POLN: variants seen among roughly 807,000 people sequenced by gnomAD.
The protein encoded by POLN is DNA polymerase N.
A neutral mutation model predicts 113.5 loss-of-function variants in POLN; 108 were observed. The ratio of observed to expected loss-of-function variants is 0.95; its 90% CI spans 0.81 to 1.12. The LOEUF (loss-of-function observed/expected upper bound fraction) is 1.12, where lower values mean the gene tolerates loss of function less well. Among genes scored for constraint, POLN ranks in the 50% most tolerant of loss-of-function variants. POLN has a pLI of 0.00. For synonymous variants in POLN, 386 were observed against 391.5 expected, an observed-to-expected ratio of 0.99 and a Z score of 0.17; for missense variants, 1,097 against 1,077.1, an observed-to-expected ratio of 1.02 and a Z score of -0.26.
chr4:2,156,971 T>C, intron 15 of POLN, 118 bp from the exon 16 acceptor site: 2 of 810,424 alleles, frequency 2.5e-6, no homozygotes, highest in South Asian at 3.1e-5. Context: ...GCCAACAAGC[T>C]GCTGGCCCTA....
rs773112353 is a variant in POLN at position 2,240,776 on chromosome 4, T to G, written c.-13+744A>C. ...TCTGAAGAATGCTAAAAGCTTCCAATTCTCTTTCAGACAACACGTTCTGTT... is the reference window on the plus strand; with the variant it reads ...TCTGAAGAATGCTAAAAGCTTCCAAGTCTCTTTCAGACAACACGTTCTGTT... On this transcript the variant is annotated intron_variant, in intron 2 of 25. Coordinates refer to ENST00000511885, the MANE Select transcript of POLN (RefSeq NM_181808.4). The G allele has an allele frequency of 3.1e-6, 5 of 1,613,966 alleles. No homozygotes were observed. The East Asian group carries it at 1.1e-4, about 36-fold the overall frequency.
intron 9 of POLN, 149 bp downstream of exon 9, chr4:2,176,116 AC>A (rs1419457263): frequency 1.5e-6 from 1 of 685,530 alleles, no homozygotes; most frequent in Non-Finnish European, 2.6e-6. Flanking sequence ...ATTCTAGACA[AC>A]CCTTTTCTGA....
chr4:2,217,975 T>TCTTCATTCTTAATG lies in POLN; in HGVS notation c.134-4863_134-4850dup, dbSNP rs1734151978. 6.6e-5 allele frequency among the ~76,000 whole-genome samples: 10 copies of TCTTCATTCTTAATG among 152,340 alleles called. No homozygotes were observed. The South Asian group carries it at 2.1e-3, about 32-fold the overall frequency. ...TGCAGGATGACTCGACCAGTTAACA[T>TCTTCATTCTTAATG]CTTCATTCTTAATGCTTCATTCTTA... On this transcript the variant is annotated intron_variant, in intron 3 of 25. Transcript: ENST00000511885.
intron 17 of POLN, among the ~76,000 whole-genome samples, chr4:2,130,048 G>GT (rs559682023): frequency 1.3e-5 from 2 of 151,960 alleles, no homozygotes; most frequent in South Asian, 4.2e-4. Context: ...GAGCCCAGGA[G>GT]TTTGAGACCA....
intron 16 of POLN, among the ~76,000 whole-genome samples, chr4:2,140,467 C>G (rs887884839): frequency 6.6e-6 from 1 of 152,144 alleles, no homozygotes; most frequent in Non-Finnish European, 1.5e-5. Context: ...GCCACTTGGG[C>G]TGGACGCAGT....
intron 4 of POLN, among the ~76,000 whole-genome samples, chr4:2,212,713 T>C (rs1050949880): frequency 6.6e-6 from 1 of 152,054 alleles, no homozygotes; most frequent in South Asian, 2.1e-4. Flanking sequence ...AATTATCCAA[T>C]AGATCTCAAC....
At chr4:2,210,390 G>A (rs767976419) in intron 4 of POLN, among the ~76,000 whole-genome samples, 39 of 150,650 alleles carry the variant, frequency 2.6e-4, no homozygotes, top group Non-Finnish European at 5.2e-4. Flanking sequence ...ACCAGCCTGG[G>A]CAAAATAGCA....
intron 9 of POLN, among the ~76,000 whole-genome samples, 195 bp from the exon 10 acceptor site, chr4:2,174,946 T>C (rs1160156488): frequency 6.6e-6 from 1 of 151,874 alleles, no homozygotes; most frequent in Non-Finnish European, 1.5e-5. Flanking sequence ...TCTCAGCCTC[T>C]TGAGTAGGTA....
chr4:2,189,783 C>A (rs1416270227), intron 7 of POLN, among the ~76,000 whole-genome samples: 2 of 151,820 alleles, frequency 1.3e-5, no homozygotes, highest in African/African-American at 2.4e-5. Context: ...GTAATCCCAG[C>A]ACTTTAGGAG....
At chr4:2,117,617 C>T (rs1317221862) in intron 19 of POLN, among the ~76,000 whole-genome samples, 1 of 152,204 alleles carries the variant, frequency 6.6e-6, no homozygotes. Context: ...ACAATAAACA[C>T]TCCATTTGGA....
intron 20 of POLN, among the ~76,000 whole-genome samples, chr4:2,085,964 G>A (rs1249468109): frequency 6.6e-6 from 1 of 152,196 alleles, no homozygotes; most frequent in East Asian, 1.9e-4. Flanking sequence ...GTGCCTGCCA[G>A]GTGTTTCAGG....
At chr4:2,214,788 T>A (rs750611595) in intron 3 of POLN, among the ~76,000 whole-genome samples, 2 of 152,212 alleles carry the variant, frequency 1.3e-5, no homozygotes, top group Non-Finnish European at 2.9e-5. Flanking sequence ...GGAATGCTAG[T>A]TATGTTTCCT....
At chr4:2,085,890 C>A in intron 20 of POLN, 146 bp from the exon 21 acceptor site, 1 of 1,043,258 alleles carries the variant, frequency 9.6e-7, no homozygotes, top group Non-Finnish European at 1.4e-6. Flanking sequence ...AAGCCAGGTG[C>A]TAGGTGCCAA....
At chr4:2,082,486 T>C (rs888932381) in intron 21 of POLN, among the ~76,000 whole-genome samples, 1 of 152,114 alleles carries the variant, frequency 6.6e-6, no homozygotes, top group Admixed American at 6.5e-5. Context: ...TGGCCTGAAG[T>C]GTATGCAATT....
At chr4:2,240,984 G>C (rs1380406684) in intron 2 of POLN, 2 of 1,431,748 alleles carry the variant, frequency 1.4e-6, no homozygotes, top group African/African-American at 2.9e-5. Context: ...TCTGATATGG[G>C]TTTACGGTGT....
chr4:2,222,707 T>A (rs1479440307), intron 3 of POLN, among the ~76,000 whole-genome samples: 2 of 148,374 alleles, frequency 1.3e-5, no homozygotes, highest in Admixed American at 6.6e-5. Context: ...TTTTTTTTTT[T>A]TTTTTATTTT....
intron 2 of POLN, chr4:2,229,505 A>T (rs1388980241): frequency 3.9e-6 from 1 of 259,166 alleles, no homozygotes; most frequent in Non-Finnish European, 7.2e-6. Flanking sequence ...ACTCAAATAC[A>T]TCCTGAGGTT....
At chr4:2,234,558 G>T (rs1436439919) in intron 2 of POLN, 4 of 153,050 alleles carry the variant, frequency 2.6e-5, no homozygotes, top group African/African-American at 9.6e-5. Flanking sequence ...GGTAAACGGG[G>T]ACCTGGGTAC....
intron 7 of POLN, among the ~76,000 whole-genome samples, chr4:2,183,532 T>C (rs927086749): frequency 9.2e-5 from 14 of 152,162 alleles, no homozygotes; most frequent in Non-Finnish European, 2.9e-5. Flanking sequence ...AACAAAAAGC[T>C]ACATCAGGCT....
Sources: gnomAD v4.1 joint callset for allele counts (sites outside exome capture counted in the v4.1 genomes callset) on GRCh38, gnomAD v4.1.1 for gene constraint, MANE v1.5 for transcripts, NCBI Gene and HGNC (gene_info 2026-07-23, HGNC 2026-07-21) for gene names.